The following FSTL5 variants were observed in gnomAD, a reference collection of about 807,000 sequenced individuals.
FSTL5 encodes follistatin like 5.
In FSTL5, 62 loss-of-function variants were observed where a neutral mutation model predicts 89.1. That is an observed-to-expected ratio of 0.70 (90% CI 0.57 to 0.86). The LOEUF (loss-of-function observed/expected upper bound fraction) is 0.86. Ranked by LOEUF, FSTL5 falls within the 40% of genes least tolerant of loss-of-function variation. FSTL5 has a pLI of 0.00. For synonymous variants in FSTL5, 383 were observed against 346.2 expected (o/e 1.11, Z -1.18); for missense variants, 1,057 against 1,001.6 (o/e 1.06, Z -0.75).
intron 15 of FSTL5, among the ~76,000 whole-genome samples, chr4:161,438,291 C>T (rs1053951680): frequency 6.7e-6 from 1 of 148,362 alleles, no homozygotes; most frequent in Non-Finnish European, 1.5e-5. Context: ...TTGAGGTTTT[C>T]CTATTTATCT....
intron 8 of FSTL5, among the ~76,000 whole-genome samples, chr4:161,551,555 T>C (rs1184777949): frequency 2.6e-5 from 4 of 151,914 alleles, no homozygotes; most frequent in African/African-American, 9.7e-5. Flanking sequence ...AGAACAAAAC[T>C]GGAGGCATCA....
intron 4 of FSTL5, among the ~76,000 whole-genome samples, chr4:161,788,334 T>G (rs1741985435): frequency 6.6e-6 from 1 of 152,172 alleles, no homozygotes; most frequent in Admixed American, 6.5e-5. Context: ...TACCTTATTG[T>G]GCAATAGAAC....
At chr4:161,448,253 A>T (rs945658399) in intron 15 of FSTL5, among the ~76,000 whole-genome samples, 1 of 152,122 alleles carries the variant, frequency 6.6e-6, no homozygotes, top group African/African-American at 2.4e-5. Flanking sequence ...CATTTTTTGA[A>T]ACAATTTTAA....
chr4:161,476,193 G>GT (rs1358637705), intron 13 of FSTL5, among the ~76,000 whole-genome samples: 16,899 of 70,092 alleles, frequency 0.24, 2,116 homozygotes, highest in East Asian at 0.48. Flanking sequence ...TTTTTTGTTT[G>GT]TTTGTTTTTT....
At chr4:162,111,044 T>C (rs964464186) in intron 2 of FSTL5, among the ~76,000 whole-genome samples, 3 of 152,086 alleles carry the variant, frequency 2.0e-5, no homozygotes, top group Non-Finnish European at 4.4e-5. Flanking sequence ...AATAATTATG[T>C]TTTTAATGGG....
chr4:161,837,265 G>T (rs1458671437), intron 4 of FSTL5, among the ~76,000 whole-genome samples: 1 of 151,966 alleles, frequency 6.6e-6, no homozygotes, highest in Non-Finnish European at 1.5e-5. Context: ...TAAAGAGAAA[G>T]AAGAGTCCAT....
intron 7 of FSTL5, among the ~76,000 whole-genome samples, chr4:161,619,349 T>C (rs944529766): frequency 1.3e-5 from 2 of 152,146 alleles, no homozygotes; most frequent in Non-Finnish European, 2.9e-5. Flanking sequence ...TGGGATCTAA[T>C]GAAACTAAAG....
chr4:162,084,060 C>T (rs561859119), intron 2 of FSTL5, among the ~76,000 whole-genome samples: 1 of 151,736 alleles, frequency 6.6e-6, no homozygotes, highest in African/African-American at 2.4e-5. Flanking sequence ...ATATAACTAA[C>T]AGGGATGATA....
intron 8 of FSTL5, among the ~76,000 whole-genome samples, chr4:161,558,900 G>T (rs4524337): frequency 1 from 151,409 of 151,984 alleles, 75,421 homozygotes; most frequent in Middle Eastern, 1. Flanking sequence ...TTATCAATTT[G>T]ATCTCAATTT....
chr4:161,798,266 A>G (rs1729692660), intron 4 of FSTL5, among the ~76,000 whole-genome samples: 1 of 151,622 alleles, frequency 6.6e-6, no homozygotes, highest in African/African-American at 2.4e-5. Context: ...AATATTAATC[A>G]TTGTAACTTA....
At chr4:161,997,872 G>A (rs902920771) in intron 3 of FSTL5, among the ~76,000 whole-genome samples, 1 of 152,078 alleles carries the variant, frequency 6.6e-6, no homozygotes, top group African/African-American at 2.4e-5. Context: ...CCAAAGTGCT[G>A]GGATTACAGG....
At chr4:161,721,215 T>C (rs949200685) in intron 6 of FSTL5, among the ~76,000 whole-genome samples, 3 of 143,528 alleles carry the variant, frequency 2.1e-5, no homozygotes, top group African/African-American at 2.5e-5. Flanking sequence ...GAAGCGGAGC[T>C]TGCAGTGAGC....
chr4:161,956,200 G>A (rs1473252036), intron 3 of FSTL5, among the ~76,000 whole-genome samples: 4 of 151,788 alleles, frequency 2.6e-5, no homozygotes, highest in African/African-American at 7.2e-5. Context: ...AGGGATAAGT[G>A]CTGAAATAGC....
intron 3 of FSTL5, among the ~76,000 whole-genome samples, chr4:161,951,616 T>TA (rs1364406997): frequency 6.6e-6 from 1 of 152,110 alleles, no homozygotes; most frequent in Admixed American, 6.6e-5. Context: ...AATCCTGAAC[T>TA]AAAGAGATAG....
intron 6 of FSTL5, among the ~76,000 whole-genome samples, chr4:161,726,133 A>G (rs1221929801): frequency 6.6e-6 from 1 of 152,156 alleles, no homozygotes; most frequent in East Asian, 1.9e-4. Flanking sequence ...AATGAATTCA[A>G]AACAAAAAAC....
chr4:161,798,710 T>C (rs975096507), intron 4 of FSTL5, among the ~76,000 whole-genome samples: 1 of 151,496 alleles, frequency 6.6e-6, no homozygotes, highest in African/African-American at 2.4e-5. Context: ...CTTCCAACAA[T>C]ATAATCTGGT....
chr4:161,992,858 AAAAATATATATATATATAT>A (rs1736153422), intron 3 of FSTL5, among the ~76,000 whole-genome samples: 1 of 11,522 alleles, frequency 8.7e-5, no homozygotes, highest in African/African-American at 3.1e-4. Flanking sequence ...AAAAAAAAAA[AAAAATATATATATATATAT>A]ATATATATAT....
intron 7 of FSTL5, among the ~76,000 whole-genome samples, chr4:161,596,171 A>G (rs1211467179): frequency 6.6e-6 from 1 of 151,984 alleles, no homozygotes; most frequent in Admixed American, 6.6e-5. Context: ...TTTTCTCAGT[A>G]GCCTACTTAC....
rs551100485 is a variant in FSTL5 at position 162,000,723 on chromosome 4, A to G, written c.160+32902T>C. ...CTCTGTACAATGACCTTTTAATCTA[A>G]TGGGAGGATTGAGAAGTTGTATTAC... On this transcript the variant is annotated intron_variant, in intron 3 of 15. Transcript: ENST00000306100. Among the ~76,000 whole-genome samples, 3 of 152,310 alleles carry G rather than the reference A, an allele frequency of 2.0e-5. No homozygotes were observed. In the East Asian group the frequency reaches 5.8e-4, roughly 29 times the overall value.
Sources: allele counts gnomAD v4.1 joint callset (sites outside exome capture counted in the v4.1 genomes callset), GRCh38; gene constraint gnomAD v4.1.1; transcripts MANE v1.5; gene names NCBI Gene and HGNC (gene_info 2026-07-23, HGNC 2026-07-21).